Variants in CIT observed in about 807,000 individuals in gnomAD.
The protein encoded by CIT is citron rho-interacting serine/threonine kinase, also known as citron Rho-interacting kinase.
In CIT, 79 loss-of-function variants were observed where a neutral mutation model predicts 272.7. That is an observed-to-expected ratio of 0.29 (90% CI 0.24 to 0.35). CIT has a LOEUF of 0.35. CIT is among the 10% of genes least tolerant of loss of function. The probability of loss-of-function intolerance (pLI) is 1.00; values close to 1 mark genes in which losing one functional copy is unlikely to be tolerated. For missense variants in CIT, 1,909 were observed against 2,618.3 expected (o/e 0.73, Z 5.91); for synonymous variants, 948 against 995.6 (o/e 0.95, Z 0.90).
intron 10 of CIT, among the ~76,000 whole-genome samples, chr12:119,797,134 G>A (rs1300102527): frequency 2.0e-5 from 3 of 152,236 alleles, no homozygotes; most frequent in Non-Finnish European, 4.4e-5. Flanking sequence ...TTGGGAACAT[G>A]TAGCGCCATT....
rs1410061398 is a variant in CIT at position 119,712,875 on chromosome 12, AAAAT to A, written c.4580-184_4580-181del. 3 of 591,782 alleles carry A rather than the reference AAAAT, an allele frequency of 5.1e-6. No homozygotes were observed. The highest frequency in any genetic ancestry group is 9.0e-6 in the Non-Finnish European group (3 of 334,776). 36.7% of individuals were successfully genotyped at this position (591,782 alleles called of 1,614,324 possible). On this transcript the variant is annotated intron_variant, in intron 35 of 47. Transcript: ENST00000392521. This position sits in a 1 kb window ranked among gnomAD's most constrained non-coding sequence, Gnocchi z 5.2. ...AGAAGGCAGAGAGGGAAGATAAAAA[AAAAT>A]AAAGTGTGTCAGATGAGTAGCACAG...
chr12:119,869,340 T>C (rs1289972810), intron 2 of CIT, 139 bp from the exon 3 acceptor site: 3 of 762,084 alleles, frequency 3.9e-6, no homozygotes, highest in South Asian at 2.2e-5. Context: ...TGTGGCTTCA[T>C]TCTTTAAAGC....
chr12:119,745,120 T>C (rs963945038), intron 23 of CIT, among the ~76,000 whole-genome samples: 1 of 147,752 alleles, frequency 6.8e-6, no homozygotes, highest in African/African-American at 2.5e-5. Context: ...ATTCAACAAG[T>C]AAGTACCAAG....
chr12:119,713,369 G>T lies in CIT; in HGVS notation c.4488-75C>A. 1.3e-6 allele frequency: 2 copies of T among 1,577,888 alleles called. No homozygotes were observed. Among genetic ancestry groups the T allele is most frequent in the Non-Finnish European group, 1.7e-6 (2 of 1,150,730 alleles). On this transcript the variant is annotated intron_variant, in intron 34 of 47. Coordinates refer to ENST00000392521, the MANE Select transcript of CIT (RefSeq NM_001206999.2). This position sits in a 1 kb window ranked among gnomAD's most constrained non-coding sequence, Gnocchi z 5.2. ...TCCGGCTGGAGGATAGGATGAGGGG[G>T]TGGCAGAGTTCCTAGAAAAGACACT...
At chr12:119,872,367 A>T (rs1950706300) in intron 2 of CIT, among the ~76,000 whole-genome samples, 1 of 152,198 alleles carries the variant, frequency 6.6e-6, no homozygotes, top group South Asian at 2.1e-4. Context: ...AGAAGTAAAA[A>T]AGACAAAATG....
At chr12:119,800,592 T>C (rs1227215689) in intron 10 of CIT, among the ~76,000 whole-genome samples, 1 of 152,212 alleles carries the variant, frequency 6.6e-6, no homozygotes, top group Non-Finnish European at 1.5e-5. Context: ...TCAATTTACC[T>C]AGCACAGTAC....
intron 5 of CIT, among the ~76,000 whole-genome samples, chr12:119,847,070 C>T (rs1446568761): frequency 1.3e-5 from 2 of 151,920 alleles, no homozygotes; most frequent in Non-Finnish European, 2.9e-5. Flanking sequence ...CTGCAAGCTC[C>T]GCCTCCCAGG....
In CIT at chr12:119,713,352, G is replaced by C. The variant is rs746243282; in HGVS notation, c.4488-58C>G. On this transcript the variant is annotated intron_variant, in intron 34 of 47. Transcript: ENST00000392521. The surrounding 1 kb of genome is among the most constrained non-coding windows in gnomAD (Gnocchi z 5.2). The stretch of plus-strand genomic sequence containing the variant: ...TGAACTCAGAAGAAACATCCGGCTG[G>C]AGGATAGGATGAGGGGGTGGCAGAG... 5 of 1,588,996 alleles carry C rather than the reference G, an allele frequency of 3.1e-6. No individual in the cohort carries two copies. Among genetic ancestry groups the C allele is most frequent in the African/African-American group, 1.3e-5 (1 of 74,280 alleles).
chr12:119,844,053 G>A (rs1007688451), intron 5 of CIT, among the ~76,000 whole-genome samples: 4 of 131,292 alleles, frequency 3.0e-5, no homozygotes, highest in African/African-American at 1.1e-4. Context: ...ACAGATTCTT[G>A]CTTTGTCGCC....
intron 2 of CIT, among the ~76,000 whole-genome samples, chr12:119,870,487 T>C (rs1055399859): frequency 7.3e-6 from 1 of 136,344 alleles, no homozygotes; most frequent in Admixed American, 8.2e-5. Context: ...GAGATGGAGG[T>C]TGCAGTGAGC....
intron 5 of CIT, among the ~76,000 whole-genome samples, chr12:119,842,617 G>A (rs904088788): frequency 3.9e-5 from 6 of 152,008 alleles, no homozygotes; most frequent in African/African-American, 1.4e-4. Context: ...CAGAGTTTGC[G>A]ACAATTTTCT....
chr12:119,704,754 G>C (rs1223766070), intron 40 of CIT, among the ~76,000 whole-genome samples: 1 of 152,174 alleles, frequency 6.6e-6, no homozygotes, highest in Non-Finnish European at 1.5e-5. Context: ...CTGGGATCCA[G>C]AGAAGGCCTC....
chr12:119,829,481 A>AG (rs1968458171), intron 7 of CIT, among the ~76,000 whole-genome samples: 1 of 152,208 alleles, frequency 6.6e-6, no homozygotes, highest in Non-Finnish European at 1.5e-5. Flanking sequence ...CTGCAGAAGC[A>AG]GGGGGAAAAG....
chr12:119,852,778 A>C (rs1003042602), intron 4 of CIT, among the ~76,000 whole-genome samples: 1 of 151,952 alleles, frequency 6.6e-6, no homozygotes, highest in African/African-American at 2.4e-5. Flanking sequence ...ATATATGTAA[A>C]TATATTCTAT....
At position 119,749,339 on chromosome 12, in the gene CIT, A is replaced by G. The variant is rs1959896248; in HGVS notation, c.2904+2711T>C. Among the ~76,000 whole-genome samples the G allele has an allele frequency of 1.3e-5, 2 of 152,230 alleles. 1 individual carries two copies. The highest frequency in any genetic ancestry group is 4.8e-5 in the African/African-American group (2 of 41,462). ...TTATAGATCCAGCTGATTTCATTTGACTGATGCTTGTGCAGGGTCTCCACT... is the reference window on the plus strand; with the variant it reads ...TTATAGATCCAGCTGATTTCATTTGGCTGATGCTTGTGCAGGGTCTCCACT... On this transcript the variant is annotated intron_variant, in intron 23 of 47. Coordinates refer to ENST00000392521, the MANE Select transcript of CIT (RefSeq NM_001206999.2).
At chr12:119,749,830 T>C (rs1223473161) in intron 23 of CIT, among the ~76,000 whole-genome samples, 1 of 152,160 alleles carries the variant, frequency 6.6e-6, no homozygotes, top group Non-Finnish European at 1.5e-5. Context: ...ACACAGCACA[T>C]TCCAACCAGC....
intron 5 of CIT, among the ~76,000 whole-genome samples, chr12:119,842,334 A>G (rs549189169): frequency 3.3e-4 from 46 of 138,964 alleles, no homozygotes; most frequent in African/African-American, 1.2e-3. Context: ...GGTTGCACTG[A>G]GCTGAGATCA....
At position 119,857,704 on chromosome 12, in the gene CIT, A is replaced by G; in HGVS notation, c.239-6T>C. 1 of 1,613,118 alleles carries G rather than the reference A, an allele frequency of 6.2e-7. No homozygotes were observed. The highest frequency in any genetic ancestry group is 8.5e-7 in the Non-Finnish European group (1 of 1,179,412). ...CTCAGCTATGGTGTCGGAATCTGCAAAAGATGCAAGAGTTAGCCCCAGGTA... is the reference window on the plus strand; with the variant it reads ...CTCAGCTATGGTGTCGGAATCTGCAGAAGATGCAAGAGTTAGCCCCAGGTA... On this transcript the variant is annotated splice_region_variant and splice_polypyrimidine_tract_variant and intron_variant, in intron 3 of 47. Transcript: ENST00000392521.
chr12:119,746,549 G>C (rs954560770), intron 23 of CIT, among the ~76,000 whole-genome samples: 5 of 152,072 alleles, frequency 3.3e-5, no homozygotes, highest in Non-Finnish European at 7.4e-5. Flanking sequence ...TTATCCACAG[G>C]GACAGAAGCC....
Sources: gnomAD v4.1 joint callset for allele counts (sites outside exome capture counted in the v4.1 genomes callset) on GRCh38, gnomAD v4.1.1 for gene constraint, Gnocchi (gnomAD v3.1) non-coding constraint, MANE v1.5 for transcripts, NCBI Gene and HGNC (gene_info 2026-07-23, HGNC 2026-07-21) for gene names.